Variants in RPS6KA6 observed in about 807,000 individuals in gnomAD.
RPS6KA6 encodes the protein ribosomal protein S6 kinase A6.
A neutral mutation model predicts 65.4 loss-of-function variants in RPS6KA6; 27 were observed. That is an observed-to-expected ratio of 0.41 (90% CI 0.30 to 0.57). The LOEUF is 0.57. Ranked by LOEUF, RPS6KA6 falls within the 20% of genes least tolerant of loss-of-function variation. The probability of loss-of-function intolerance (pLI) is 0.24; values close to 1 mark genes in which losing one functional copy is unlikely to be tolerated. For missense variants in RPS6KA6, 486 were observed against 555.6 expected, an observed-to-expected ratio of 0.87 and a Z score of 1.26; for synonymous variants, 190 against 184.2, an observed-to-expected ratio of 1.03 and a Z score of -0.26.
chrX:84,170,472 A>G (rs1356358706), intron 1 of RPS6KA6, among the ~76,000 whole-genome samples: 5 of 109,532 alleles, frequency 4.6e-5, no homozygotes, highest in Non-Finnish European at 9.5e-5. Context: ...TCTACTAAAA[A>G]TACAAAAATT....
chrX:84,171,460 T>C (rs1283655972), intron 1 of RPS6KA6, among the ~76,000 whole-genome samples: 1 of 112,000 alleles, frequency 8.9e-6, no homozygotes. Context: ...TCTTTACTTA[T>C]TAAACTCACA....
chrX:84,175,938 A>G (rs2035760085), intron 1 of RPS6KA6, among the ~76,000 whole-genome samples: 1 of 111,337 alleles, frequency 9.0e-6, no homozygotes, highest in South Asian at 3.8e-4. Flanking sequence ...ATGCAAAATA[A>G]TATTTAGAAC....
intron 18 of RPS6KA6, among the ~76,000 whole-genome samples, chrX:84,100,073 A>G (rs935685198): frequency 1.8e-5 from 2 of 111,566 alleles, no homozygotes; most frequent in African/African-American, 6.5e-5. Flanking sequence ...AAACCTCACT[A>G]AAAATACTCT....
chrX:84,088,326 T>TTTGTG (rs763376005), intron 20 of RPS6KA6, among the ~76,000 whole-genome samples: 4 of 112,066 alleles, frequency 3.6e-5, no homozygotes, highest in African/African-American at 1.3e-4. Flanking sequence ...GTGCTGTTGT[T>TTTGTG]TTGTGTTGTT....
intron 11 of RPS6KA6, 34 bp from the exon 12 acceptor site, chrX:84,116,321 G>A (rs2034564144): frequency 2.2e-6 from 2 of 900,008 alleles, no homozygotes. Flanking sequence ...TTATTTTTAT[G>A]ATTTTTTTTA....
rs778957131 is a variant in RPS6KA6 at position 84,148,137 on chromosome X, G to GA, written c.259-15dup. On this transcript the variant is annotated splice_polypyrimidine_tract_variant and intron_variant, in intron 3 of 21. Transcript: ENST00000262752. ...AACAAGAAAAACCTAATAGAAAATT[G>GA]AACAAAAAAAAAAAGGAAAATTCAC... is the stretch of plus-strand genomic sequence containing the variant. 10 of 1,018,198 alleles carry GA rather than the reference G, an allele frequency of 9.8e-6. No homozygotes were observed. The highest frequency in any genetic ancestry group is 5.7e-5 in the Admixed American group (2 of 34,899). The allele number at this position is 1,018,198 out of a possible 1,213,427, so 83.9% of individuals were successfully genotyped here.
At chrX:84,081,191 T>C (rs1321129296) in intron 20 of RPS6KA6, among the ~76,000 whole-genome samples, 5 of 111,583 alleles carry the variant, frequency 4.5e-5, no homozygotes, top group African/African-American at 1.6e-4. Flanking sequence ...GAGCTGGTTT[T>C]TTGAAAAGAA....
intron 20 of RPS6KA6, among the ~76,000 whole-genome samples, chrX:84,071,053 G>A (rs2147333201): frequency 8.9e-6 from 1 of 111,864 alleles, no homozygotes; most frequent in East Asian, 2.8e-4. Flanking sequence ...ACCTGAGAGA[G>A]TTTTCTAGCT....
chrX:84,148,354 C>T (rs1452905137), intron 3 of RPS6KA6, among the ~76,000 whole-genome samples: 1 of 110,239 alleles, frequency 9.1e-6, no homozygotes, highest in Non-Finnish European at 1.9e-5. Flanking sequence ...ATGTACCCCA[C>T]GAATATGTAC....
At chrX:84,089,058 A>G (rs2033989777) in intron 20 of RPS6KA6, among the ~76,000 whole-genome samples, 1 of 109,425 alleles carries the variant, frequency 9.1e-6, no homozygotes, top group Non-Finnish European at 1.9e-5. Flanking sequence ...GGAAACATCA[A>G]ATTTCTCTCT....
intron 20 of RPS6KA6, among the ~76,000 whole-genome samples, chrX:84,079,225 C>T (rs1462673429): frequency 9.0e-6 from 1 of 110,671 alleles, no homozygotes; most frequent in Non-Finnish European, 1.9e-5. Context: ...AGGGAACTCC[C>T]TCCCCTATCC....
chrX:84,064,977 A>C lies in RPS6KA6; in HGVS notation c.2106T>G (p.Val702=). The C allele has an allele frequency of 2.5e-6, 3 of 1,205,818 alleles. No individual in the cohort carries two copies. The South Asian group carries it at 5.4e-5, about 22-fold the overall frequency. ...AAAAGTATGTTTGTTTTACCTTAAC[A>C]ACATGTGACACATCATTTCTCTTTG... ...DQPKRNDVSH[V]VKGAMVATYS... The change falls in exon 21 of 22, where the codon GTT becomes GTG. Residue 702 remains valine, a synonymous_variant. Coordinates refer to ENST00000262752, the MANE Select transcript of RPS6KA6 (RefSeq NM_014496.5).
rs751913062 is a variant in RPS6KA6 at position 84,120,030 on chromosome X, A to G, written c.647-3T>C. The G allele has an allele frequency of 2.6e-6, 3 of 1,152,980 alleles. No homozygotes were observed. Among genetic ancestry groups the G allele is most frequent in the Middle Eastern group, 2.5e-4 (1 of 4,071 alleles). ...TGACTCCTTGCTGAGTCCAAAATCT[A>G]TAATAACAGTATTACCAAAAAATGT... On this transcript the variant is annotated splice_polypyrimidine_tract_variant and splice_region_variant and intron_variant, in intron 8 of 21. Coordinates refer to ENST00000262752, the MANE Select transcript of RPS6KA6 (RefSeq NM_014496.5).
At chrX:84,168,402 A>C (rs1191103655) in intron 1 of RPS6KA6, among the ~76,000 whole-genome samples, 1 of 111,531 alleles carries the variant, frequency 9.0e-6, no homozygotes, top group South Asian at 3.8e-4. Flanking sequence ...ACAAAAAGGA[A>C]TTCTTGACCC....
intron 20 of RPS6KA6, among the ~76,000 whole-genome samples, chrX:84,069,334 A>T (rs960397319): frequency 5.4e-5 from 6 of 111,932 alleles, no homozygotes; most frequent in Non-Finnish European, 7.5e-5. Context: ...TATTTAATAA[A>T]TGGTGCTGGG....
At chrX:84,162,048 T>G in intron 2 of RPS6KA6, among the ~76,000 whole-genome samples, 1 of 111,447 alleles carries the variant, frequency 9.0e-6, no homozygotes, top group Non-Finnish European at 1.9e-5. Context: ...AAAAGTTAAC[T>G]CATGTCAGCC....
At chrX:84,154,371 A>C (rs1335857833) in intron 3 of RPS6KA6, among the ~76,000 whole-genome samples, 1 of 111,540 alleles carries the variant, frequency 9.0e-6, no homozygotes, top group East Asian at 2.8e-4. Context: ...AGATAAACAA[A>C]AGCATATATG....
intron 1 of RPS6KA6, among the ~76,000 whole-genome samples, chrX:84,174,350 T>C (rs1313433754): frequency 1.8e-5 from 2 of 111,955 alleles, no homozygotes; most frequent in African/African-American, 3.2e-5. Flanking sequence ...CTCAAGAAGT[T>C]TGAAATACAC....
intron 1 of RPS6KA6, among the ~76,000 whole-genome samples, chrX:84,169,512 A>G (rs1418623441): frequency 6.3e-5 from 7 of 111,965 alleles, no homozygotes; most frequent in African/African-American, 2.3e-4. Context: ...GTTTAGTAAA[A>G]GAGTTTACTG....
Sources: allele counts gnomAD v4.1 joint callset (sites outside exome capture counted in the v4.1 genomes callset), GRCh38; gene constraint gnomAD v4.1.1; transcripts MANE v1.5; gene names NCBI Gene and HGNC (gene_info 2026-07-23, HGNC 2026-07-21).